The following SAMD12 variants were observed in gnomAD, a reference collection of about 807,000 sequenced individuals.
SAMD12 encodes the protein sterile alpha motif domain-containing protein 12.
Under a neutral mutation model 15.0 loss-of-function variants are expected in SAMD12, and 9 were observed. That is an observed-to-expected ratio of 0.60 (90% CI 0.36 to 1.05). The LOEUF (loss-of-function observed/expected upper bound fraction) is 1.05. SAMD12 is among the 50% of genes least tolerant of loss of function. The probability of loss-of-function intolerance (pLI) is 0.01; values close to 1 mark genes in which losing one functional copy is unlikely to be tolerated. For synonymous variants in SAMD12, 86 were observed against 90.1 expected (o/e 0.96, Z 0.25); for missense variants, 230 against 234.2 (o/e 0.98, Z 0.12).
intron 4 of SAMD12, among the ~76,000 whole-genome samples, chr8:118,201,653 G>T (rs1819719264): frequency 6.6e-6 from 1 of 152,196 alleles, no homozygotes; most frequent in Non-Finnish European, 1.5e-5. Context: ...TTGTTTCTCT[G>T]TTTAATTCAG....
rs142019040 is a variant in SAMD12, at chr8:118,385,101, CTA to C, written c.323-5403_323-5402del. On this transcript the variant is annotated intron_variant, in intron 3 of 3. Transcript: ENST00000314727. ...AAAAAGCATGACTGTGTGTGCTCCA[CTA>C]GAATGGCAGTAATACAAGAGCAAGT... is the stretch of plus-strand genomic sequence containing the variant. 2.8e-3 allele frequency among the ~76,000 whole-genome samples: 421 copies of C among 152,232 alleles called. 4 individuals carry two copies. Among genetic ancestry groups the C allele is most frequent in the African/African-American group, 9.6e-3 (400 of 41,514 alleles).
chr8:118,450,824 T>A (rs1823058095), intron 2 of SAMD12, among the ~76,000 whole-genome samples: 1 of 152,172 alleles, frequency 6.6e-6, no homozygotes, highest in Non-Finnish European at 1.5e-5. Flanking sequence ...GCCAGGTTTC[T>A]GAGATATATT....
chr8:118,471,545 C>CA (rs1823793478), intron 2 of SAMD12, among the ~76,000 whole-genome samples: 1 of 152,146 alleles, frequency 6.6e-6, no homozygotes, highest in Admixed American at 6.5e-5. Context: ...AGAAACTTGA[C>CA]AAAAATCCCT....
At chr8:118,279,348 C>G (rs1813552576) in intron 4 of SAMD12, among the ~76,000 whole-genome samples, 1 of 151,876 alleles carries the variant, frequency 6.6e-6, no homozygotes, top group East Asian at 1.9e-4. Flanking sequence ...TAATTGAATA[C>G]ACATGAAAAA....
At chr8:118,438,428 TAA>T in intron 3 of SAMD12, among the ~76,000 whole-genome samples, 1 of 151,910 alleles carries the variant, frequency 6.6e-6, no homozygotes, top group Admixed American at 6.6e-5. Context: ...AAATTTTTTT[TAA>T]TCAATCAAGT....
At chr8:118,213,230 T>C (rs983912707) in intron 4 of SAMD12, among the ~76,000 whole-genome samples, 1 of 152,208 alleles carries the variant, frequency 6.6e-6, no homozygotes, top group Non-Finnish European at 1.5e-5. Context: ...TCCCTCCTGC[T>C]TCCTTGAATC....
chr8:118,593,855 A>G (rs912084081), intron 1 of SAMD12, among the ~76,000 whole-genome samples: 6 of 152,338 alleles, frequency 3.9e-5, no homozygotes, highest in Non-Finnish European at 7.4e-5. Flanking sequence ...ATTACAAAAA[A>G]ATAAACATAA....
intron 2 of SAMD12, among the ~76,000 whole-genome samples, chr8:118,499,992 C>G (rs965612217): frequency 1.4e-5 from 2 of 145,324 alleles, no homozygotes; most frequent in African/African-American, 5.0e-5. Context: ...TCAGAGTAGA[C>G]AGTGATCTGT....
chr8:118,490,796 A>T (rs1824420479), intron 2 of SAMD12, among the ~76,000 whole-genome samples: 1 of 152,190 alleles, frequency 6.6e-6, no homozygotes, highest in African/African-American at 2.4e-5. Context: ...AGAAATTGCC[A>T]AAGAACACTT....
At chr8:118,504,171 A>T (rs1824860593) in intron 2 of SAMD12, among the ~76,000 whole-genome samples, 1 of 152,206 alleles carries the variant, frequency 6.6e-6, no homozygotes, top group Non-Finnish European at 1.5e-5. Context: ...GAGTGGGAAG[A>T]AAAGGCCAAC....
chr8:118,316,741 G>A (rs1327426538), intron 4 of SAMD12, among the ~76,000 whole-genome samples: 4 of 151,340 alleles, frequency 2.6e-5, no homozygotes, highest in East Asian at 3.9e-4. Context: ...TCCACTCCCC[G>A]CAAAATTCTT....
intron 2 of SAMD12, among the ~76,000 whole-genome samples, chr8:118,464,945 T>G (rs1238330899): frequency 1.3e-5 from 2 of 152,192 alleles, no homozygotes; most frequent in African/African-American, 4.8e-5. Flanking sequence ...CTGTGTTGTC[T>G]TCACTAAATG....
At chr8:118,384,147 G>C (rs1002081190) in intron 3 of SAMD12, among the ~76,000 whole-genome samples, 2 of 152,118 alleles carry the variant, frequency 1.3e-5, no homozygotes, top group Non-Finnish European at 2.9e-5. Flanking sequence ...CGCAATTAGA[G>C]GAATGACAGG....
At chr8:118,368,560 G>A (rs1818919658) in intron 4 of SAMD12, among the ~76,000 whole-genome samples, 1 of 152,150 alleles carries the variant, frequency 6.6e-6, no homozygotes, top group Non-Finnish European at 1.5e-5. Flanking sequence ...GATCACAAGG[G>A]AATGAAGAGA....
At chr8:118,294,148 G>T (rs989783174) in intron 4 of SAMD12, among the ~76,000 whole-genome samples, 2 of 152,196 alleles carry the variant, frequency 1.3e-5, no homozygotes, top group African/African-American at 4.8e-5. Context: ...GGCATGAGCT[G>T]ACATTCAGGG....
chr8:118,522,189 C>T (rs774191822), intron 2 of SAMD12, among the ~76,000 whole-genome samples: 1,513 of 110,530 alleles, frequency 0.014, 14 homozygotes, highest in Middle Eastern at 0.041. Flanking sequence ...TACACACACA[C>T]ACACACACAT....
intron 2 of SAMD12, among the ~76,000 whole-genome samples, chr8:118,515,776 A>G (rs1195040953): frequency 3.9e-5 from 6 of 152,130 alleles, no homozygotes; most frequent in Admixed American, 3.9e-4. Context: ...GCGCGGCATC[A>G]CCAACTGGCA....
intron 2 of SAMD12, among the ~76,000 whole-genome samples, chr8:118,442,005 G>GC (rs1218099784): frequency 2.0e-5 from 3 of 152,120 alleles, no homozygotes; most frequent in Non-Finnish European, 4.4e-5. Context: ...GATGATTCCA[G>GC]CCACCAGCCT....
At chr8:118,520,897 C>A (rs1321205308) in intron 2 of SAMD12, among the ~76,000 whole-genome samples, 9 of 151,804 alleles carry the variant, frequency 5.9e-5, no homozygotes, top group Non-Finnish European at 1.2e-4. Flanking sequence ...GGGTGGTGAT[C>A]CATAAAAAAT....
Sources: gnomAD v4.1 joint callset for allele counts (sites outside exome capture counted in the v4.1 genomes callset) on GRCh38, gnomAD v4.1.1 for gene constraint, MANE v1.5 for transcripts, NCBI Gene and HGNC (gene_info 2026-07-23, HGNC 2026-07-21) for gene names.